Variants in POU4F2 observed in about 807,000 individuals in gnomAD.
POU4F2 encodes the protein POU domain, class 4, transcription factor 2.
POU4F2 carries 10 observed loss-of-function variants against 21.5 expected under a neutral mutation model. The observed-to-expected ratio is 0.46, with a 90% confidence interval of 0.29 to 0.79. POU4F2 has a LOEUF of 0.79. Ranked by LOEUF, POU4F2 falls within the 30% of genes least tolerant of loss-of-function variation. The probability of loss-of-function intolerance (pLI) is 0.10; values close to 1 mark genes in which losing one functional copy is unlikely to be tolerated. For missense variants in POU4F2, 623 were observed against 603.3 expected, an observed-to-expected ratio of 1.03 and a Z score of -0.34; for synonymous variants, 324 against 271.1, an observed-to-expected ratio of 1.20 and a Z score of -1.92.
Position 146,639,097 on chromosome 4 carries a change from A to C in POU4F2, c.-44A>C. 3 of 1,584,996 alleles carry C rather than the reference A, an allele frequency of 1.9e-6. No homozygotes were observed. The South Asian group carries it at 3.4e-5, about 18-fold the overall frequency. Reference sequence around the variant, plus strand: ...TTCTCGGAGGGTCCCGGCAGCCGGGACCAGTGAGTGCCTCTACGGACCAGC... The same window carrying C: ...TTCTCGGAGGGTCCCGGCAGCCGGGCCCAGTGAGTGCCTCTACGGACCAGC... On this transcript the variant is annotated 5_prime_UTR_variant, in exon 1 of 2. Coordinates refer to ENST00000281321, the MANE Select transcript of POU4F2 (RefSeq NM_004575.3).
chr4:146,639,764 T>C (rs1740836969), intron 1 of POU4F2, 103 bp from the exon 2 acceptor site: 2 of 1,155,694 alleles, frequency 1.7e-6, no homozygotes, highest in South Asian at 1.6e-5. Flanking sequence ...TCTGGGAATG[T>C]TGTAGGCGCG....
rs1740839314 is a variant in POU4F2, at chr4:146,639,876, T to TTCGGC, written c.299_303dup (p.Gly102SerfsTer46). ...CTACTTACAATTGCAGAGCAATATA[T>TTCGGC]TCGGCGGGCTGGATGAGAGTCTGCT... On this transcript the variant is annotated frameshift_variant, in exon 2 of 2. Transcript: ENST00000281321. LOFTEE classifies it high-confidence loss of function. 1 of 1,542,532 alleles carries TTCGGC rather than the reference T, an allele frequency of 6.5e-7. No homozygotes were observed. The highest frequency in any genetic ancestry group is 8.7e-7 in the Non-Finnish European group (1 of 1,143,480).
In POU4F2 at chr4:146,639,433, G is replaced by T; in HGVS notation, c.288+5G>T. On this transcript the variant is annotated splice_donor_5th_base_variant and intron_variant, in intron 1 of 1. Transcript: ENST00000281321. ...GCCTGTCTTCCAACCCCACCGGTGC[G>T]TATTTCTGCATAATCACCGCTTAAA... 3 of 1,458,776 alleles carry T rather than the reference G, an allele frequency of 2.1e-6. No individual in the cohort carries two copies. The highest frequency in any genetic ancestry group is 2.7e-6 in the Non-Finnish European group (3 of 1,112,126). 90.4% of individuals were successfully genotyped at this position (1,458,776 alleles called of 1,614,324 possible).
At position 146,640,687 on chromosome 4, in the gene POU4F2, C is replaced by T; in HGVS notation, c.1109C>T (p.Pro370Leu). ...LEAYFAIQPR[P>L]SSEKIAAIAE... is the part of the protein sequence containing the mutation. ...GCCTACTTTGCCATTCAGCCTCGGC[C>T]CTCCTCTGAAAAGATCGCCGCCATC... The change falls in exon 2 of 2, where the codon CCC becomes CTC. Residue 370 changes from proline (P) to leucine (L), a missense_variant. Physicochemically the swap from Pro to Leu is moderately conservative, Grantham distance 98. Around this residue, in one of 3 missense-constraint regions of POU4F2, gnomAD observed 523 missense variants for 504.1 expected, o/e 1.04. Coordinates refer to ENST00000281321, the MANE Select transcript of POU4F2 (RefSeq NM_004575.3). This position sits in a 1 kb window ranked among gnomAD's most constrained non-coding sequence, Gnocchi z 4.8. 2 of 1,614,234 alleles carry T rather than the reference C, an allele frequency of 1.2e-6. No individual in the cohort carries two copies. The highest frequency in any genetic ancestry group is 1.7e-6 in the Non-Finnish European group (2 of 1,180,040).
Position 146,640,118 on chromosome 4 carries a change from C to G in POU4F2, c.540C>G (p.His180Gln), listed in dbSNP as rs1217642103. 6.3e-7 allele frequency: 1 copy of G among 1,599,936 alleles called. No homozygotes were observed. The change falls in exon 2 of 2, where the codon CAC (histidine) becomes CAG (glutamine). Residue 180 changes from histidine to glutamine, a missense_variant. By Grantham distance (24) the His-to-Gln change is conservative. Around this residue, in one of 3 missense-constraint regions of POU4F2, gnomAD observed 523 missense variants for 504.1 expected, o/e 1.04. Coordinates refer to ENST00000281321, the MANE Select transcript of POU4F2 (RefSeq NM_004575.3). This position sits in a 1 kb window ranked among gnomAD's most constrained non-coding sequence, Gnocchi z 4.8. ...ACCACCACCACCATCACCACCACCA[C>G]CACCACCAACCGCACCAGGCGCTGG... ...THHHHHHHHH[H>Q]HHQPHQALEG...
Position 146,640,403 on chromosome 4 carries a change from C to T in POU4F2, c.825C>T (p.Thr275=). Reference sequence around the variant, plus strand: ...AGCGACGCATCAAGCTGGGGGTGACCCAGGCAGATGTGGGCTCCGCGCTGG... The same window carrying T: ...AGCGACGCATCAAGCTGGGGGTGACTCAGGCAGATGTGGGCTCCGCGCTGG... ...FKQRRIKLGV[T]QADVGSALAN... is the part of the protein sequence containing the mutation. The change falls in exon 2 of 2, where the codon ACC becomes ACT. Residue 275 remains threonine, a synonymous_variant. Coordinates refer to ENST00000281321, the MANE Select transcript of POU4F2 (RefSeq NM_004575.3). This position sits in a 1 kb window ranked among gnomAD's most constrained non-coding sequence, Gnocchi z 4.8. 1 of 1,609,848 alleles carries T rather than the reference C, an allele frequency of 6.2e-7. No homozygotes were observed. The highest frequency in any genetic ancestry group is 1.1e-5 in the South Asian group (1 of 90,926).
At position 146,640,859 on chromosome 4, in the gene POU4F2, C is replaced by G; in HGVS notation, c.*51C>G. 2.0e-6 allele frequency: 3 copies of G among 1,494,402 alleles called. No individual in the cohort carries two copies. Among genetic ancestry groups the G allele is most frequent in the Non-Finnish European group, 2.7e-6 (3 of 1,115,994 alleles). 92.6% of individuals were successfully genotyped at this position (1,494,402 alleles called of 1,614,324 possible). A position where few individuals can be genotyped will look rare whatever the true frequency, so the allele number is the denominator to read the frequency against. On this transcript the variant is annotated 3_prime_UTR_variant, in exon 2 of 2. Transcript: ENST00000281321. This position sits in a 1 kb window ranked among gnomAD's most constrained non-coding sequence, Gnocchi z 4.8. ...CCCCTTTCCTCGTCCGCTCTTTTCT[C>G]TCCTCTCTTCTGCCTCTTTTCACTT...
Position 146,640,370 on chromosome 4 carries a change from C to T in POU4F2, c.792C>T (p.Arg264=). The change falls in exon 2 of 2, where the codon CGC becomes CGT. Residue 264 remains arginine, a synonymous_variant. Transcript: ENST00000281321. The surrounding 1 kb of genome is among the most constrained non-coding windows in gnomAD (Gnocchi z 4.8). Reference sequence around the variant, plus strand: ...GGGACCTGGAGGCATTCGCCGAGCGCTTCAAGCAGCGACGCATCAAGCTGG... The same window carrying T: ...GGGACCTGGAGGCATTCGCCGAGCGTTTCAAGCAGCGACGCATCAAGCTGG... ...DPRDLEAFAE[R]FKQRRIKLGV... 1 of 1,601,488 alleles carries T rather than the reference C, an allele frequency of 6.2e-7. No homozygotes were observed. Among genetic ancestry groups the T allele is most frequent in the Non-Finnish European group, 8.5e-7 (1 of 1,176,216 alleles).
In POU4F2 at chr4:146,640,540, C is replaced by A; in HGVS notation, c.962C>A (p.Ala321Glu). 6.2e-7 allele frequency: 1 copy of A among 1,613,916 alleles called. No individual in the cohort carries two copies. Among genetic ancestry groups the A allele is most frequent in the Non-Finnish European group, 8.5e-7 (1 of 1,179,808 alleles). Residue 321 changes from alanine (A) to glutamate (E), a missense_variant, in exon 2 of 2, where the codon GCA (alanine) becomes GAA (glutamate). Coordinates refer to ENST00000281321, the MANE Select transcript of POU4F2 (RefSeq NM_004575.3). This position sits in a 1 kb window ranked among gnomAD's most constrained non-coding sequence, Gnocchi z 4.8. ...ATCGCGCTCAAACCCATCCTGCAGG[C>A]ATGGCTCGAGGAGGCCGAGAAGTCC... ...NMIALKPILQ[A>E]WLEEAEKSHR...
chr4:146,639,422 C>A lies in POU4F2; in HGVS notation c.282C>A (p.Thr94=). 1.4e-6 allele frequency: 2 copies of A among 1,461,876 alleles called. No individual in the cohort carries two copies. Among genetic ancestry groups the A allele is most frequent in the Non-Finnish European group, 1.8e-6 (2 of 1,114,138 alleles). 90.6% of individuals were successfully genotyped at this position (1,461,876 alleles called of 1,614,324 possible). The change falls in exon 1 of 2, where the codon ACC becomes ACA. Residue 94 remains threonine, a synonymous_variant. Transcript: ENST00000281321. Reference sequence around the variant, plus strand: ...CTATGCGGAGAGCCTGTCTTCCAACCCCACCGGTGCGTATTTCTGCATAAT... The same window carrying A: ...CTATGCGGAGAGCCTGTCTTCCAACACCACCGGTGCGTATTTCTGCATAAT... ...SEAMRRACLP[T]PPSNIFGGLD... is the part of the protein sequence containing the mutation.
chr4:146,640,619 CAAGCG>C lies in POU4F2; in HGVS notation c.1042_1046del (p.Lys348HisfsTer24). ...TCTTCAATGGCGCGGAGAAGAAGCG[CAAGCG>C]CACGTCCATCGCTGCGCCAGAGAAG... On this transcript the variant is annotated frameshift_variant, in exon 2 of 2. Coordinates refer to ENST00000281321, the MANE Select transcript of POU4F2 (RefSeq NM_004575.3). LOFTEE classifies it high-confidence loss of function. The surrounding 1 kb of genome is among the most constrained non-coding windows in gnomAD (Gnocchi z 4.8). The C allele has an allele frequency of 6.2e-7, 1 of 1,614,240 alleles. No individual in the cohort carries two copies. Among genetic ancestry groups the C allele is most frequent in the Non-Finnish European group, 8.5e-7 (1 of 1,180,030 alleles).
At position 146,639,031 on chromosome 4, in the gene POU4F2, C is replaced by T. The variant is rs1740812040; in HGVS notation, c.-110C>T. 7.3e-6 allele frequency: 10 copies of T among 1,366,012 alleles called. 1 individual carries two copies. In the Admixed American group the frequency reaches 2.1e-4, roughly 29 times the overall value. The allele number at this position is 1,366,012 out of a possible 1,614,324, so 84.6% of individuals were successfully genotyped here. On this transcript the variant is annotated 5_prime_UTR_variant, in exon 1 of 2. Coordinates refer to ENST00000281321, the MANE Select transcript of POU4F2 (RefSeq NM_004575.3). ...AGGCGGCGGCGGGTGAGCTCAACTT[C>T]GCACAGCCCTTCCCAGCTCCAGCCC...
chr4:146,641,045 T>G lies in POU4F2; in HGVS notation c.*237T>G. ...TGGTATTTGTCTGTTGTAGCAAAGT[T>G]GTCCCTTTGAACCCCACCTCGGCTT... On this transcript the variant is annotated 3_prime_UTR_variant, in exon 2 of 2. Transcript: ENST00000281321. 2.2e-6 allele frequency: 1 copy of G among 457,512 alleles called. No homozygotes were observed. Among genetic ancestry groups the G allele is most frequent in the Non-Finnish European group, 3.7e-6 (1 of 269,022 alleles). The allele number at this position is 457,512 out of a possible 1,614,324, so 28.3% of individuals were successfully genotyped here. A position where few individuals can be genotyped will look rare whatever the true frequency, so the allele number is the denominator to read the frequency against.
Position 146,639,006 on chromosome 4 carries a change from AGGC to A in POU4F2, c.-126_-124del. ...CCGAGATCAGGCGTACAGAGTCCGG[AGGC>A]GGCGGCGGGTGAGCTCAACTTCGCA... On this transcript the variant is annotated 5_prime_UTR_variant, in exon 1 of 2. Coordinates refer to ENST00000281321, the MANE Select transcript of POU4F2 (RefSeq NM_004575.3). The A allele has an allele frequency of 3.6e-6, 4 of 1,125,030 alleles. No homozygotes were observed. Among genetic ancestry groups the A allele is most frequent in the South Asian group, 1.6e-5 (1 of 61,978 alleles). The allele number at this position is 1,125,030 out of a possible 1,614,324, so 69.7% of individuals were successfully genotyped here.
In POU4F2 at chr4:146,640,432, A is replaced by G; in HGVS notation, c.854A>G (p.Asn285Ser). The G allele has an allele frequency of 6.2e-7, 1 of 1,613,128 alleles. No individual in the cohort carries two copies. Among genetic ancestry groups the G allele is most frequent in the Non-Finnish European group, 8.5e-7 (1 of 1,179,928 alleles). ...TQADVGSALA[N>S]LKIPGVGSLS... The stretch of plus-strand genomic sequence containing the variant: ...GCAGATGTGGGCTCCGCGCTGGCCA[A>G]CCTCAAGATCCCCGGCGTGGGCTCG... Residue 285 changes from asparagine to serine, a missense_variant, in exon 2 of 2, where the codon AAC (asparagine) becomes AGC (serine). Asn to Ser is a conservative substitution (Grantham distance 46). This residue lies in a region of POU4F2 where 523 missense variants were observed against 504.1 expected (regional missense o/e 1.04). Coordinates refer to ENST00000281321, the MANE Select transcript of POU4F2 (RefSeq NM_004575.3). This position sits in a 1 kb window ranked among gnomAD's most constrained non-coding sequence, Gnocchi z 4.8.
rs750558475 is a variant in POU4F2, at chr4:146,639,105, G to A, written c.-36G>A. On this transcript the variant is annotated 5_prime_UTR_variant, in exon 1 of 2. The change creates a new upstream start codon in the 5' untranslated region. Transcript: ENST00000281321. ...GGGTCCCGGCAGCCGGGACCAGTGAGTGCCTCTACGGACCAGCGCCCCGGC... is the reference window on the plus strand; with the variant it reads ...GGGTCCCGGCAGCCGGGACCAGTGAATGCCTCTACGGACCAGCGCCCCGGC... The A allele has an allele frequency of 5.0e-6, 8 of 1,595,400 alleles. No homozygotes were observed. The highest frequency in any genetic ancestry group is 1.7e-5 in the Admixed American group (1 of 57,450).
In POU4F2 at chr4:146,638,965, G is replaced by A. The variant is rs1242660369; in HGVS notation, c.-176G>A. On this transcript the variant is annotated 5_prime_UTR_variant, in exon 1 of 2. Transcript: ENST00000281321. Reference sequence around the variant, plus strand: ...TCCGTTCAGACTGACAGCAGAGGCGGCGAAGGAGCGCGTAGCCGAGATCAG... The same window carrying A: ...TCCGTTCAGACTGACAGCAGAGGCGACGAAGGAGCGCGTAGCCGAGATCAG... The A allele has an allele frequency of 1.2e-5, 9 of 764,284 alleles. No homozygotes were observed. Among genetic ancestry groups the A allele is most frequent in the South Asian group, 6.7e-5 (3 of 44,952 alleles). 47.3% of individuals were successfully genotyped at this position (764,284 alleles called of 1,614,324 possible). A position where few individuals can be genotyped will look rare whatever the true frequency, so the allele number is the denominator to read the frequency against.
Position 146,642,331 on chromosome 4 carries a change from T to C in POU4F2, c.*1523T>C, listed in dbSNP as rs1170462098. 1.3e-5 allele frequency: 2 copies of C among 152,222 alleles called. No homozygotes were observed. Among genetic ancestry groups the C allele is most frequent in the Admixed American group, 1.3e-4 (2 of 15,288 alleles). 9.4% of individuals were successfully genotyped at this position (152,222 alleles called of 1,614,324 possible). A position where few individuals can be genotyped will look rare whatever the true frequency, so the allele number is the denominator to read the frequency against. ...CTGGTTTCTTGTTTTTATTAATAGA[T>C]GGTTTATTTACTATGGTAATGTATT... On this transcript the variant is annotated 3_prime_UTR_variant, in exon 2 of 2. Coordinates refer to ENST00000281321, the MANE Select transcript of POU4F2 (RefSeq NM_004575.3).
chr4:146,640,922 G>A lies in POU4F2; in HGVS notation c.*114G>A, dbSNP rs572872296. 11 of 1,179,808 alleles carry A rather than the reference G, an allele frequency of 9.3e-6. No homozygotes were observed. The African/African-American group carries it at 1.1e-4, about 12-fold the overall frequency. The allele number at this position is 1,179,808 out of a possible 1,614,324, so 73.1% of individuals were successfully genotyped here. On this transcript the variant is annotated 3_prime_UTR_variant, in exon 2 of 2. Transcript: ENST00000281321. This position sits in a 1 kb window ranked among gnomAD's most constrained non-coding sequence, Gnocchi z 4.8. The stretch of plus-strand genomic sequence containing the variant: ...AACAATTCCAGTAAATGTGAATCTC[G>A]ACAAATCGAGGACTGAAGAGGGAGC...
Sources: allele counts gnomAD v4.1 joint callset, GRCh38; gene constraint gnomAD v4.1.1; regional missense constraint gnomAD v4.1.1; non-coding constraint Gnocchi (gnomAD v3.1); transcripts MANE v1.5; gene names NCBI Gene and HGNC (gene_info 2026-07-23, HGNC 2026-07-21).